CDH13: variants seen among roughly 807,000 people sequenced by gnomAD.
CDH13 encodes the protein cadherin-13.
A neutral mutation model predicts 63.8 loss-of-function variants in CDH13; 24 were observed. That is an observed-to-expected ratio of 0.38 (90% CI 0.27 to 0.53). CDH13 has a LOEUF of 0.53. Ranked by LOEUF, CDH13 falls within the 20% of genes least tolerant of loss-of-function variation. The pLI is 0.85. For synonymous variants in CDH13, 503 were observed against 355.3 expected (o/e 1.42, Z -4.67); for missense variants, 1,049 against 903.1 (o/e 1.16, Z -2.07).
chr16:83,762,219 G>A (rs1312367578), intron 11 of CDH13, among the ~76,000 whole-genome samples: 1 of 152,146 alleles, frequency 6.6e-6, no homozygotes, highest in African/African-American at 2.4e-5. Context: ...AGATTAATAA[G>A]TTGTGACCTT....
intron 7 of CDH13, among the ~76,000 whole-genome samples, chr16:83,535,801 C>A (rs1467184672): frequency 8.0e-6 from 1 of 125,682 alleles, no homozygotes; most frequent in East Asian, 2.6e-4. Flanking sequence ...GTATTTGGAG[C>A]AGCAAGCAAG....
At chr16:82,692,208 C>T (rs1489605253) in intron 1 of CDH13, among the ~76,000 whole-genome samples, 1 of 152,164 alleles carries the variant, frequency 6.6e-6, no homozygotes, top group Non-Finnish European at 1.5e-5. Context: ...GATAGTTTAC[C>T]CAGCATGGTA....
At chr16:82,991,458 C>T (rs560731503) in intron 2 of CDH13, among the ~76,000 whole-genome samples, 2 of 152,294 alleles carry the variant, frequency 1.3e-5, no homozygotes, top group South Asian at 2.1e-4. Context: ...AACTCCTTCA[C>T]TTCAGTTGCC....
At chr16:83,225,264 C>A (rs2039806840) in intron 5 of CDH13, among the ~76,000 whole-genome samples, 1 of 152,200 alleles carries the variant, frequency 6.6e-6, no homozygotes. Flanking sequence ...ACCTTTGAAC[C>A]TGTTTCGTTA....
intron 2 of CDH13, among the ~76,000 whole-genome samples, chr16:82,958,850 T>C (rs970191273): frequency 2.0e-5 from 3 of 152,180 alleles, no homozygotes; most frequent in African/African-American, 7.2e-5. Flanking sequence ...TTCACCTGGG[T>C]GAGTACTCAG....
At chr16:82,640,189 T>C (rs982246771) in intron 1 of CDH13, among the ~76,000 whole-genome samples, 1 of 152,202 alleles carries the variant, frequency 6.6e-6, no homozygotes, top group Non-Finnish European at 1.5e-5. Flanking sequence ...TCTGAGCTTG[T>C]CCACCACACC....
intron 5 of CDH13, among the ~76,000 whole-genome samples, chr16:83,217,719 TTG>T (rs1342253073): frequency 1.3e-5 from 2 of 152,242 alleles, no homozygotes; most frequent in Admixed American, 6.5e-5. Flanking sequence ...GCATCAGACT[TTG>T]GGTACCAGAG....
At chr16:82,960,763 T>C (rs1459485987) in intron 2 of CDH13, among the ~76,000 whole-genome samples, 1 of 152,124 alleles carries the variant, frequency 6.6e-6, no homozygotes, top group East Asian at 1.9e-4. Context: ...AAGGACGTCA[T>C]AGAGAAGGTT....
intron 8 of CDH13, among the ~76,000 whole-genome samples, chr16:83,612,128 GATCT>G (rs1415145444): frequency 6.6e-6 from 1 of 151,948 alleles, no homozygotes; most frequent in Non-Finnish European, 1.5e-5. Flanking sequence ...TATAATTACA[GATCT>G]ATCTATTTCT....
intron 1 of CDH13, among the ~76,000 whole-genome samples, chr16:82,720,167 C>T (rs1227087710): frequency 6.6e-6 from 1 of 151,844 alleles, no homozygotes; most frequent in African/African-American, 2.4e-5. Flanking sequence ...CAGTGAGTGA[C>T]GGTGGTCGTA....
intron 10 of CDH13, among the ~76,000 whole-genome samples, chr16:83,690,043 G>A (rs1361096447): frequency 1.3e-5 from 2 of 150,112 alleles, no homozygotes; most frequent in Non-Finnish European, 2.9e-5. Context: ...AAATTAGCCG[G>A]GCGCCTGTAA....
chr16:82,757,134 C>G (rs2034640942), intron 1 of CDH13, among the ~76,000 whole-genome samples: 1 of 152,142 alleles, frequency 6.6e-6, no homozygotes, highest in South Asian at 2.1e-4. Flanking sequence ...GGTCACAGTA[C>G]CTCCATGCTG....
intron 6 of CDH13, among the ~76,000 whole-genome samples, chr16:83,427,666 G>A (rs1285493182): frequency 1.3e-4 from 19 of 151,664 alleles, no homozygotes; most frequent in Non-Finnish European, 2.6e-4. Context: ...AGTGATTATG[G>A]TGCCTTGTGC....
At chr16:83,628,397 G>A (rs80200271) in intron 8 of CDH13, among the ~76,000 whole-genome samples, 11,293 of 152,180 alleles carry the variant, frequency 0.074, 551 homozygotes, top group East Asian at 0.19. Flanking sequence ...TGTGAGCCCC[G>A]GGGCTCTGCC....
intron 6 of CDH13, among the ~76,000 whole-genome samples, chr16:83,482,162 T>C (rs1242642814): frequency 6.6e-6 from 1 of 151,788 alleles, no homozygotes; most frequent in East Asian, 1.9e-4. Context: ...AAGGTACTGG[T>C]GGCTCTGGTC....
chr16:83,782,299 A>G (rs866717265), intron 12 of CDH13, among the ~76,000 whole-genome samples: 1 of 152,182 alleles, frequency 6.6e-6, no homozygotes, highest in South Asian at 2.1e-4. Context: ...GCCACTGCCA[A>G]GTGTCACCCA....
intron 6 of CDH13, among the ~76,000 whole-genome samples, chr16:83,484,841 C>T (rs770744386): frequency 1.3e-5 from 2 of 152,290 alleles, no homozygotes; most frequent in South Asian, 2.1e-4. Flanking sequence ...AAAGTTAAAA[C>T]GTGCCACATT....
At chr16:83,024,354 T>A (rs933642807) in intron 2 of CDH13, among the ~76,000 whole-genome samples, 7 of 152,198 alleles carry the variant, frequency 4.6e-5, no homozygotes, top group African/African-American at 1.7e-4. Flanking sequence ...TTTTATAATT[T>A]AAAGGGTCAG....
intron 1 of CDH13, among the ~76,000 whole-genome samples, chr16:82,678,707 C>A (rs1020729462): frequency 6.6e-6 from 1 of 152,130 alleles, no homozygotes; most frequent in Non-Finnish European, 1.5e-5. Flanking sequence ...TTGAAGAGTA[C>A]ACAGTTTAAG....
Sources: gnomAD v4.1 joint callset for allele counts (sites outside exome capture counted in the v4.1 genomes callset) on GRCh38, gnomAD v4.1.1 for gene constraint, MANE v1.5 for transcripts, NCBI Gene and HGNC (gene_info 2026-07-23, HGNC 2026-07-21) for gene names.